GRXCR1: variants seen among roughly 807,000 people sequenced by gnomAD.
GRXCR1 encodes glutaredoxin and cysteine rich domain containing 1, also known as glutaredoxin domain-containing cysteine-rich protein 1.
In GRXCR1, 27 loss-of-function variants were observed where a neutral mutation model predicts 27.3. The observed-to-expected ratio is 0.99, with a 90% CI of 0.73 to 1.37. The LOEUF (loss-of-function observed/expected upper bound fraction) is 1.37. Ranked by LOEUF, GRXCR1 falls within the 40% of genes most tolerant of loss-of-function variation. GRXCR1 has a pLI of 0.00. For synonymous variants in GRXCR1, 122 were observed against 131.1 expected, an observed-to-expected ratio of 0.93 and a Z score of 0.47; for missense variants, 379 against 354.4, an observed-to-expected ratio of 1.07 and a Z score of -0.56.
At chr4:43,028,575 C>A (rs1472094284) in intron 3 of GRXCR1, among the ~76,000 whole-genome samples, 1 of 152,136 alleles carries the variant, frequency 6.6e-6, no homozygotes, top group Non-Finnish European at 1.5e-5. Context: ...AATGTCATAG[C>A]AATAGTGAAT....
At chr4:42,980,586 T>G (rs1329826615) in intron 2 of GRXCR1, among the ~76,000 whole-genome samples, 2 of 152,110 alleles carry the variant, frequency 1.3e-5, no homozygotes, top group Non-Finnish European at 2.9e-5. Flanking sequence ...GACTGTTCCA[T>G]GTGCAGTTGA....
intron 3 of GRXCR1, among the ~76,000 whole-genome samples, chr4:43,028,683 TC>T (rs1227246705): frequency 6.6e-6 from 1 of 152,250 alleles, no homozygotes; most frequent in East Asian, 1.9e-4. Context: ...ACACTATTTT[TC>T]CATCATTGGG....
In GRXCR1 at chr4:42,987,253, A is replaced by AT. The variant is rs1560676934; in HGVS notation, c.627+24120dup. On this transcript the variant is annotated intron_variant, in intron 2 of 3. Coordinates refer to ENST00000399770, the MANE Select transcript of GRXCR1 (RefSeq NM_001080476.3). ...ATTATATATATATAATATATAATAT[A>AT]TATATATAATATATATATATATATA... 3.4e-3 allele frequency among the ~76,000 whole-genome samples: 236 copies of AT among 68,574 alleles called. 2 individuals carry two copies. The highest frequency in any genetic ancestry group is 0.013 in the African/African-American group (230 of 18,144). The allele number at this position is 68,574 out of a possible 152,430, so 45.0% of individuals were successfully genotyped here. A position where few individuals can be genotyped will look rare whatever the true frequency, so the allele number is the denominator to read the frequency against.
intron 2 of GRXCR1, among the ~76,000 whole-genome samples, chr4:42,994,649 T>G (rs1227495957): frequency 2.0e-5 from 3 of 152,120 alleles, no homozygotes; most frequent in African/African-American, 7.2e-5. Flanking sequence ...AGAGATATAT[T>G]GTGAAGAAGA....
chr4:42,928,442 C>T (rs921500613), intron 1 of GRXCR1, among the ~76,000 whole-genome samples: 1 of 151,912 alleles, frequency 6.6e-6, no homozygotes, highest in Non-Finnish European at 1.5e-5. Context: ...CTTCTGCCTC[C>T]CCAGAGTAAG....
chr4:42,928,061 G>A (rs1433325272), intron 1 of GRXCR1, among the ~76,000 whole-genome samples: 1 of 151,960 alleles, frequency 6.6e-6, no homozygotes, highest in Admixed American at 6.6e-5. Flanking sequence ...GTACTTATCT[G>A]GCTAAGGGTT....
chr4:42,934,532 G>A (rs1181563543), intron 1 of GRXCR1, among the ~76,000 whole-genome samples: 1 of 151,662 alleles, frequency 6.6e-6, no homozygotes, highest in African/African-American at 2.4e-5. Flanking sequence ...AAGGATTTTA[G>A]GTCACACATA....
rs1184635048 is a variant in GRXCR1 at position 42,917,809 on chromosome 4, A to G, written c.384+24159A>G. Among the ~76,000 whole-genome samples the G allele has an allele frequency of 2.6e-5, 4 of 152,198 alleles. No individual in the cohort carries two copies. The East Asian group carries it at 5.8e-4, about 22-fold the overall frequency. On this transcript the variant is annotated intron_variant, in intron 1 of 3. Coordinates refer to ENST00000399770, the MANE Select transcript of GRXCR1 (RefSeq NM_001080476.3). The stretch of plus-strand genomic sequence containing the variant: ...TATTAGAGGACAAGATAAAAATTAG[A>G]CAATTAAAGTGAGAGAGGGAAGGAA...
rs1746276057 is a variant in GRXCR1 at position 42,893,364 on chromosome 4, A to G, written c.98A>G (p.Tyr33Cys). Residue 33 changes from tyrosine (Y) to cysteine (C), a missense_variant, in exon 1 of 4, where the codon TAT becomes TGT. By Grantham distance (194) the Tyr-to-Cys change is radical. Transcript: ENST00000399770. ...SHSGRVLKEV[Y>C]EDGQPSGSLD... ...AGTGGGCGAGTTCTGAAGGAAGTGT[A>G]TGAAGATGGGCAACCGTCAGGCTCT... is the stretch of plus-strand genomic sequence containing the variant. 2 of 1,613,808 alleles carry G rather than the reference A, an allele frequency of 1.2e-6. No homozygotes were observed. The highest frequency in any genetic ancestry group is 1.7e-6 in the Non-Finnish European group (2 of 1,179,812).
intron 2 of GRXCR1, among the ~76,000 whole-genome samples, chr4:42,965,015 C>G (rs1264550943): frequency 6.6e-6 from 1 of 152,042 alleles, no homozygotes; most frequent in Non-Finnish European, 1.5e-5. Flanking sequence ...AATTAGTGGG[C>G]AACTGCCTTC....
rs902118364 is a variant in GRXCR1 at position 42,963,086 on chromosome 4, T to C, written c.579T>C (p.Ser193=). 34 of 1,612,758 alleles carry C rather than the reference T, an allele frequency of 2.1e-5. No homozygotes were observed. The highest frequency in any genetic ancestry group is 2.4e-5 in the Non-Finnish European group (28 of 1,179,084). The change falls in exon 2 of 4, where the codon TCT becomes TCC. Residue 193 remains serine, a synonymous_variant. Coordinates refer to ENST00000399770, the MANE Select transcript of GRXCR1 (RefSeq NM_001080476.3). ...TAGACGAACGATGCCGACGAGTTTC[T>C]GAAGCTCCTTCCCTCCCTGTTGTGT... ...KELDERCRRV[S]EAPSLPVVFI...
intron 2 of GRXCR1, among the ~76,000 whole-genome samples, chr4:42,974,421 G>A (rs756399235): frequency 5.9e-5 from 9 of 152,128 alleles, no homozygotes; most frequent in Non-Finnish European, 1.2e-4. Context: ...GAGCATTAAT[G>A]GGAACTATAA....
At chr4:42,898,067 C>G (rs531670658) in intron 1 of GRXCR1, among the ~76,000 whole-genome samples, 1 of 151,732 alleles carries the variant, frequency 6.6e-6, no homozygotes, top group Non-Finnish European at 1.5e-5. Context: ...TCACAGTTTT[C>G]AAAAGTGTTG....
intron 1 of GRXCR1, among the ~76,000 whole-genome samples, chr4:42,905,111 G>A (rs933923061): frequency 7.2e-5 from 11 of 152,256 alleles, no homozygotes; most frequent in South Asian, 2.1e-4. Flanking sequence ...GTTGTCTTGC[G>A]GCCAATTCCT....
At chr4:42,922,556 G>C (rs892847402) in intron 1 of GRXCR1, among the ~76,000 whole-genome samples, 1 of 152,078 alleles carries the variant, frequency 6.6e-6, no homozygotes, top group Non-Finnish European at 1.5e-5. Context: ...ATTTAGAAGA[G>C]GATGAAGGTT....
chr4:43,024,563 C>T (rs992725825), intron 3 of GRXCR1, among the ~76,000 whole-genome samples: 1 of 152,176 alleles, frequency 6.6e-6, no homozygotes, highest in African/African-American at 2.4e-5. Flanking sequence ...TTCATCCCAT[C>T]TGGTTTAAGA....
At chr4:42,917,111 G>T in intron 1 of GRXCR1, among the ~76,000 whole-genome samples, 1 of 152,180 alleles carries the variant, frequency 6.6e-6, no homozygotes, top group Admixed American at 6.5e-5. Context: ...TATGTAATTT[G>T]CTTTTATTCA....
chr4:42,919,064 T>C (rs1560649066), intron 1 of GRXCR1, among the ~76,000 whole-genome samples: 1 of 152,120 alleles, frequency 6.6e-6, no homozygotes, highest in African/African-American at 2.4e-5. Flanking sequence ...ATACTTTGGG[T>C]TAAAAAAACC....
chr4:43,005,035 C>A (rs947839210), intron 2 of GRXCR1, among the ~76,000 whole-genome samples: 2 of 152,114 alleles, frequency 1.3e-5, no homozygotes, highest in African/African-American at 4.8e-5. Flanking sequence ...GGGGGAGGAA[C>A]CTGGTGGGAG....
Sources: gnomAD v4.1 joint callset for allele counts (sites outside exome capture counted in the v4.1 genomes callset) on GRCh38, gnomAD v4.1.1 for gene constraint, MANE v1.5 for transcripts, NCBI Gene and HGNC (gene_info 2026-07-23, HGNC 2026-07-21) for gene names.